The following PRKX variants were observed in gnomAD, a reference collection of about 807,000 sequenced individuals.
PRKX encodes protein kinase cAMP-dependent X-linked catalytic subunit.
A neutral mutation model predicts 22.0 loss-of-function variants in PRKX; 12 were observed. The ratio of observed to expected loss-of-function variants is 0.54; its 90% CI spans 0.35 to 0.88. The LOEUF is 0.88. Among genes scored for constraint, PRKX ranks in the 40% least tolerant of loss-of-function variants. PRKX has a pLI of 0.01. For synonymous variants in PRKX, 134 were observed against 137.7 expected, an observed-to-expected ratio of 0.97 and a Z score of 0.19; for missense variants, 217 against 308.0, an observed-to-expected ratio of 0.70 and a Z score of 2.21.
Position 3,710,037 on chromosome X carries a change from C to T in PRKX, c.166+3051G>A, listed in dbSNP as rs1002402423. Among the ~76,000 whole-genome samples, 3 of 109,862 alleles carry T rather than the reference C, an allele frequency of 2.7e-5. No individual in the cohort carries two copies. In the East Asian group the frequency reaches 8.6e-4, roughly 31 times the overall value. ...TCCCGGCCTCAAGTCATCCTCCCACCGCGACCTCCCAAATAGCTGGGACTA... is the reference window on the plus strand; with the variant it reads ...TCCCGGCCTCAAGTCATCCTCCCACTGCGACCTCCCAAATAGCTGGGACTA... On this transcript the variant is annotated intron_variant, in intron 1 of 8. Coordinates refer to ENST00000262848, the MANE Select transcript of PRKX (RefSeq NM_005044.5).
chrX:3,691,598 T>C (rs1216660924), intron 1 of PRKX, among the ~76,000 whole-genome samples: 1 of 111,352 alleles, frequency 9.0e-6, no homozygotes, highest in Non-Finnish European at 1.9e-5. Context: ...CATTAACATT[T>C]GGAGCTGGAT....
intron 6 of PRKX, among the ~76,000 whole-genome samples, chrX:3,619,577 C>A (rs1603473111): frequency 9.4e-6 from 1 of 106,791 alleles, no homozygotes; most frequent in Admixed American, 1.0e-4. Flanking sequence ...GAGAAGGCCA[C>A]GTGAAGAAAG....
At chrX:3,646,063 G>A (rs1177694435) in intron 3 of PRKX, among the ~76,000 whole-genome samples, 1 of 112,258 alleles carries the variant, frequency 8.9e-6, no homozygotes, top group Non-Finnish European at 1.9e-5. Flanking sequence ...GGGAGGCCGA[G>A]GCAAGTGGAT....
In PRKX at chrX:3,613,150, C is replaced by CAAAA. The variant is rs528688936; in HGVS notation, c.952-829_952-826dup. Among the ~76,000 whole-genome samples the CAAAA allele has an allele frequency of 1.1e-3, 59 of 54,314 alleles. 9 individuals carry two copies. The highest frequency in any genetic ancestry group is 4.8e-3 in the East Asian group (6 of 1,243). The allele number at this position is 54,314 out of a possible 115,157, so 47.2% of individuals were successfully genotyped here. A position where few individuals can be genotyped will look rare whatever the true frequency, so the allele number is the denominator to read the frequency against. On this transcript the variant is annotated intron_variant, in intron 7 of 8. Transcript: ENST00000262848. Reference sequence around the variant, plus strand: ...TGGGCAACGGAGCAAGACTTCGTCTCAAAAAAAAAAAAAAAAAAAAAAAAA... The same window carrying CAAAA: ...TGGGCAACGGAGCAAGACTTCGTCTCAAAAAAAAAAAAAAAAAAAAAAAAAAAAA...
intron 4 of PRKX, among the ~76,000 whole-genome samples, chrX:3,638,876 T>G (rs1926957060): frequency 9.5e-6 from 1 of 104,905 alleles, no homozygotes; most frequent in South Asian, 4.6e-4. Flanking sequence ...CATAGATAAA[T>G]AGGAAGTAGA....
intron 1 of PRKX, among the ~76,000 whole-genome samples, chrX:3,676,463 A>G (rs1463338259): frequency 8.9e-6 from 1 of 111,762 alleles, no homozygotes; most frequent in African/African-American, 3.3e-5. Context: ...ACTATTCACA[A>G]CAGCCAAGGC....
At chrX:3,681,325 C>T in intron 1 of PRKX, among the ~76,000 whole-genome samples, 1 of 110,600 alleles carries the variant, frequency 9.0e-6, no homozygotes, top group African/African-American at 3.3e-5. Flanking sequence ...TTGAGACCAG[C>T]CAGGGCAACA....
At position 3,605,895 on chromosome X, in the gene PRKX, T is replaced by C. The variant is rs1569227752; in HGVS notation, c.*3074A>G. The C allele has an allele frequency of 8.9e-6, 1 of 112,311 alleles. No homozygotes were observed. The highest frequency in any genetic ancestry group is 1.9e-5 in the Non-Finnish European group (1 of 53,327). 9.3% of individuals were successfully genotyped at this position (112,311 alleles called of 1,213,427 possible). A position where few individuals can be genotyped will look rare whatever the true frequency, so the allele number is the denominator to read the frequency against. On this transcript the variant is annotated 3_prime_UTR_variant, in exon 9 of 9. Transcript: ENST00000262848. ...CAAATATAATTTGCCCATCGCTGGC[T>C]ATAGATATGTTTAGGCTAAGCAGGA...
intron 2 of PRKX, among the ~76,000 whole-genome samples, chrX:3,666,911 T>TAAAAAA (rs35951668): frequency 4.6e-5 from 3 of 65,777 alleles, no homozygotes; most frequent in African/African-American, 5.9e-5. Context: ...TCATTTCTTT[T>TAAAAAA]AAAAAAAAAA....
intron 1 of PRKX, among the ~76,000 whole-genome samples, chrX:3,697,767 C>T (rs11152544): frequency 0.47 from 51,350 of 109,319 alleles, 10,132 homozygotes; most frequent in African/African-American, 0.73. Context: ...CCTAGGCTGG[C>T]GTTGACCTCC....
chrX:3,611,314 C>G (rs1392984834), intron 8 of PRKX: 1 of 111,966 alleles, frequency 8.9e-6, no homozygotes, highest in African/African-American at 3.2e-5. Context: ...ATTGGCTTTC[C>G]ACTTCACATA....
chrX:3,693,663 C>T (rs781653108), intron 1 of PRKX, among the ~76,000 whole-genome samples: 7 of 110,941 alleles, frequency 6.3e-5, no homozygotes, highest in East Asian at 2.8e-4. Flanking sequence ...TGAGGCCGGG[C>T]GCGGTGGCTC....
chrX:3,604,875 T>C lies in PRKX; in HGVS notation c.*4094A>G, dbSNP rs193005260. Reference sequence around the variant, plus strand: ...CTCAACAGAACTTCCCAACACACGATAATTTACAGAAAACCATGACAGAGC... The same window carrying C: ...CTCAACAGAACTTCCCAACACACGACAATTTACAGAAAACCATGACAGAGC... On this transcript the variant is annotated 3_prime_UTR_variant, in exon 9 of 9. Coordinates refer to ENST00000262848, the MANE Select transcript of PRKX (RefSeq NM_005044.5). The C allele has an allele frequency of 9.0e-6, 1 of 111,073 alleles. No individual in the cohort carries two copies. Among genetic ancestry groups the C allele is most frequent in the Non-Finnish European group, 1.9e-5 (1 of 52,998 alleles). The allele number at this position is 111,073 out of a possible 1,213,427, so 9.2% of individuals were successfully genotyped here.
chrX:3,699,426 C>T (rs1810494429), intron 1 of PRKX, among the ~76,000 whole-genome samples: 1 of 111,220 alleles, frequency 9.0e-6, no homozygotes, highest in Non-Finnish European at 1.9e-5. Context: ...AATCTCAGCT[C>T]ACTGCAACCA....
chrX:3,639,538 G>T (rs1403620658), intron 4 of PRKX, among the ~76,000 whole-genome samples: 9 of 73,258 alleles, frequency 1.2e-4, no homozygotes, highest in African/African-American at 3.4e-4. Flanking sequence ...ATGGATGACG[G>T]GGTGGGTGGG....
At chrX:3,623,379 A>T (rs1255579379) in intron 5 of PRKX, among the ~76,000 whole-genome samples, 2 of 109,699 alleles carry the variant, frequency 1.8e-5, no homozygotes, top group Non-Finnish European at 3.8e-5. Context: ...ACATAGTAAG[A>T]CCCTCGTTTC....
intron 1 of PRKX, among the ~76,000 whole-genome samples, chrX:3,694,404 T>A (rs1001787086): frequency 1.0e-4 from 11 of 109,216 alleles, no homozygotes; most frequent in African/African-American, 1.7e-4. Flanking sequence ...AAATAAAAAA[T>A]AAATAAATAA....
At chrX:3,683,963 A>T (rs1928123882) in intron 1 of PRKX, among the ~76,000 whole-genome samples, 1 of 111,732 alleles carries the variant, frequency 8.9e-6, no homozygotes, top group Non-Finnish European at 1.9e-5. Flanking sequence ...AAAAAAAACA[A>T]GGTAGTTGGC....
intron 1 of PRKX, among the ~76,000 whole-genome samples, chrX:3,676,453 A>G (rs1438978547): frequency 8.9e-6 from 1 of 111,809 alleles, no homozygotes; most frequent in African/African-American, 3.3e-5. Context: ...TTATGACAGC[A>G]CTATTCACAA....
Sources: allele counts gnomAD v4.1 joint callset (sites outside exome capture counted in the v4.1 genomes callset), GRCh38; gene constraint gnomAD v4.1.1; transcripts MANE v1.5; gene names NCBI Gene and HGNC (gene_info 2026-07-23, HGNC 2026-07-21).